The following EFCAB5 variants were observed in gnomAD, a reference collection of about 807,000 sequenced individuals.
EFCAB5 encodes EF-hand calcium-binding domain-containing protein 5.
Under a neutral mutation model 167.9 loss-of-function variants are expected in EFCAB5, and 131 were observed. The ratio of observed to expected loss-of-function variants is 0.78; its 90% CI spans 0.68 to 0.90. EFCAB5 has a LOEUF of 0.90. EFCAB5 is among the 40% of genes least tolerant of loss of function. The pLI, the probability that EFCAB5 is intolerant of heterozygous loss-of-function variation, is 0.00. For missense variants in EFCAB5, 1,663 were observed against 1,745.2 expected, an observed-to-expected ratio of 0.95 and a Z score of 0.84; for synonymous variants, 574 against 602.8, an observed-to-expected ratio of 0.95 and a Z score of 0.70.
rs567166848 is a variant in EFCAB5 at position 29,941,878 on chromosome 17, T to C, written c.42+40T>C. 9 of 1,563,864 alleles carry C rather than the reference T, an allele frequency of 5.8e-6. No homozygotes were observed. In the South Asian group the frequency reaches 1.1e-4, roughly 18 times the overall value. On this transcript the variant is annotated intron_variant, in intron 1 of 22. Transcript: ENST00000394835. ...TAGGTTTATCACATTTATGGGAAGA[T>C]TTGAGATTCAACATTCTTGGGAAAA...
At chr17:29,974,662 G>A (rs2068028717) in intron 4 of EFCAB5, among the ~76,000 whole-genome samples, 1 of 152,096 alleles carries the variant, frequency 6.6e-6, no homozygotes, top group African/African-American at 2.4e-5. Flanking sequence ...TTTTAACCAT[G>A]ACTCAAGATC....
chr17:29,979,892 G>T (rs534202941), intron 4 of EFCAB5, among the ~76,000 whole-genome samples: 23 of 152,280 alleles, frequency 1.5e-4, no homozygotes, highest in African/African-American at 5.3e-4. Flanking sequence ...TTACTAGCCG[G>T]CCACGGTGGC....
chr17:30,038,079 T>C (rs1037147335), intron 8 of EFCAB5, among the ~76,000 whole-genome samples: 3 of 152,096 alleles, frequency 2.0e-5, no homozygotes, highest in Non-Finnish European at 2.9e-5. Context: ...GTTAGCCAAG[T>C]TGTGAATGCA....
At chr17:29,998,803 A>T (rs2068599200) in intron 6 of EFCAB5, among the ~76,000 whole-genome samples, 1 of 152,204 alleles carries the variant, frequency 6.6e-6, no homozygotes, top group Non-Finnish European at 1.5e-5. Context: ...AGAGGAAGCC[A>T]GTGTATAGTT....
upstream of EFCAB5, among the ~76,000 whole-genome samples, chr17:29,939,625 A>G (rs2067272898): frequency 6.6e-6 from 1 of 152,238 alleles, no homozygotes; most frequent in Non-Finnish European, 1.5e-5. Context: ...CAGCACTTGC[A>G]GCTTCACCTT....
intron 19 of EFCAB5, among the ~76,000 whole-genome samples, chr17:30,088,523 G>A (rs950817042): frequency 2.0e-5 from 3 of 152,184 alleles, no homozygotes; most frequent in Admixed American, 6.5e-5. Context: ...GCAAGACTGT[G>A]AATGTCTTTT....
At chr17:30,094,060 A>G (rs2071248967) in intron 22 of EFCAB5, among the ~76,000 whole-genome samples, 1 of 152,210 alleles carries the variant, frequency 6.6e-6, no homozygotes, top group African/African-American at 2.4e-5. Flanking sequence ...TAATACCTGT[A>G]GGTTCAGCCT....
At chr17:29,992,599 G>T (rs2068445945) in intron 4 of EFCAB5, among the ~76,000 whole-genome samples, 1 of 152,168 alleles carries the variant, frequency 6.6e-6, no homozygotes, top group South Asian at 2.1e-4. Flanking sequence ...GCCTGCCTTG[G>T]CCTCCCAAAG....
chr17:30,089,780 G>A (rs932045030), intron 19 of EFCAB5, among the ~76,000 whole-genome samples: 2 of 152,166 alleles, frequency 1.3e-5, no homozygotes, highest in African/African-American at 2.4e-5. Context: ...GGGCAGCTTA[G>A]AGCCAATGAC....
At chr17:29,930,651 A>G (rs191054301) in intron 1 of EFCAB5, among the ~76,000 whole-genome samples, 1 of 152,248 alleles carries the variant, frequency 6.6e-6, no homozygotes, top group Non-Finnish European at 1.5e-5. Context: ...GAACTGGGCT[A>G]GACCAGTTTA....
intron 4 of EFCAB5, among the ~76,000 whole-genome samples, chr17:29,982,446 A>G (rs2068197347): frequency 6.6e-6 from 1 of 152,178 alleles, no homozygotes; most frequent in Non-Finnish European, 1.5e-5. Flanking sequence ...AGACCACCAG[A>G]GCTTAAAAAC....
chr17:29,939,523 T>C (rs1334176332), upstream of EFCAB5, among the ~76,000 whole-genome samples: 1 of 152,204 alleles, frequency 6.6e-6, no homozygotes, highest in Non-Finnish European at 1.5e-5. Context: ...AGAAGGCTGT[T>C]TAGTCTGCAT....
intron 7 of EFCAB5, 117 bp downstream of exon 7, chr17:30,000,093 T>G: frequency 2.9e-6 from 2 of 682,036 alleles, no homozygotes; most frequent in South Asian, 2.5e-5. Flanking sequence ...ACTTATTTTA[T>G]ACATTCTAAA....
upstream of EFCAB5, among the ~76,000 whole-genome samples, chr17:29,938,401 T>C (rs1481061093): frequency 6.6e-5 from 10 of 152,224 alleles, no homozygotes; most frequent in Non-Finnish European, 1.5e-4. Context: ...AGATGATAAC[T>C]GATCAGAGTA....
intron 4 of EFCAB5, among the ~76,000 whole-genome samples, chr17:29,982,156 G>A (rs1481147583): frequency 1.3e-5 from 2 of 152,114 alleles, no homozygotes; most frequent in Non-Finnish European, 2.9e-5. Flanking sequence ...TTTAGCGGCT[G>A]GGCACGGTGG....
chr17:30,033,810 C>G (rs1481958611), intron 7 of EFCAB5, among the ~76,000 whole-genome samples: 1 of 152,200 alleles, frequency 6.6e-6, no homozygotes, highest in African/African-American at 2.4e-5. Context: ...CGCTTACACT[C>G]CAGTAATTAA....
intron 4 of EFCAB5, 38 bp from the exon 5 acceptor site, chr17:29,993,127 T>C: frequency 6.5e-7 from 1 of 1,544,864 alleles, no homozygotes; most frequent in African/African-American, 1.4e-5. Context: ...AATCCAAGGG[T>C]ATTAACTCAA....
intron 22 of EFCAB5, among the ~76,000 whole-genome samples, chr17:30,098,858 T>C (rs2151857221): frequency 6.6e-6 from 1 of 152,334 alleles, no homozygotes; most frequent in South Asian, 2.1e-4. Flanking sequence ...ACTTTATGTC[T>C]CTATGGATTT....
rs748839082 is a variant in EFCAB5, at chr17:30,080,925, C to G, written c.3370C>G (p.Leu1124Val). The G allele has an allele frequency of 1.4e-5, 23 of 1,613,462 alleles. No homozygotes were observed. In the East Asian group the frequency reaches 5.1e-4, roughly 36 times the overall value. Residue 1124 changes from leucine (L) to valine (V), a missense_variant, in exon 17 of 23, where the codon CTT (leucine) becomes GTT (valine). Leu to Val is a conservative substitution (Grantham distance 32, BLOSUM62 1). Coordinates refer to ENST00000394835, the MANE Select transcript of EFCAB5 (RefSeq NM_198529.4). ...CTTTGGGGTCTTGGCTGTTGATACCCTTAGAGATCCCCACGAAATAAACAT... is the reference window on the plus strand; with the variant it reads ...CTTTGGGGTCTTGGCTGTTGATACCGTTAGAGATCCCCACGAAATAAACAT... ...RIFGVLAVDT[L>V]RDPHEINIFL...
Sources: gnomAD v4.1 joint callset for allele counts (sites outside exome capture counted in the v4.1 genomes callset) on GRCh38, gnomAD v4.1.1 for gene constraint, MANE v1.5 for transcripts, NCBI Gene and HGNC (gene_info 2026-07-23, HGNC 2026-07-21) for gene names.